The following SRPK2 variants were observed in gnomAD, a reference collection of about 807,000 sequenced individuals.
SRPK2 encodes the protein SRSF protein kinase 2.
In SRPK2, 21 loss-of-function variants were observed where a neutral mutation model predicts 90.8. That is an observed-to-expected ratio of 0.23 (90% CI 0.16 to 0.33). The LOEUF (loss-of-function observed/expected upper bound fraction) is 0.33. Ranked by LOEUF, SRPK2 falls within the 10% of genes least tolerant of loss-of-function variation. The probability of loss-of-function intolerance (pLI) is 1.00; values close to 1 mark genes in which losing one functional copy is unlikely to be tolerated. For synonymous variants in SRPK2, 288 were observed against 311.1 expected, an observed-to-expected ratio of 0.93 and a Z score of 0.78; for missense variants, 620 against 869.0, an observed-to-expected ratio of 0.71 and a Z score of 3.60.
chr7:105,379,452 G>A (rs1454740822), intron 2 of SRPK2, among the ~76,000 whole-genome samples: 1 of 152,018 alleles, frequency 6.6e-6, no homozygotes, highest in Non-Finnish European at 1.5e-5. Flanking sequence ...CAAGCGTACT[G>A]AGGGATGACT....
chr7:105,359,649 T>C (rs1487811804), intron 2 of SRPK2, among the ~76,000 whole-genome samples: 1 of 152,214 alleles, frequency 6.6e-6, no homozygotes, highest in African/African-American at 2.4e-5. Flanking sequence ...GAAGCACTCA[T>C]TTCCATCAAG....
intron 3 of SRPK2, among the ~76,000 whole-genome samples, chr7:105,170,208 A>G (rs765797816): frequency 6.6e-6 from 1 of 152,166 alleles, no homozygotes; most frequent in Non-Finnish European, 1.5e-5. Context: ...TTAAATTCAA[A>G]TCTTTTTGGA....
chr7:105,329,031 A>G (rs1353510251), intron 2 of SRPK2, among the ~76,000 whole-genome samples: 1 of 152,048 alleles, frequency 6.6e-6, no homozygotes, highest in Non-Finnish European at 1.5e-5. Flanking sequence ...AATAAAATAA[A>G]TATTTTTAAA....
chr7:105,256,677 A>C (rs1803356222), intron 2 of SRPK2, among the ~76,000 whole-genome samples: 1 of 152,190 alleles, frequency 6.6e-6, no homozygotes, highest in African/African-American at 2.4e-5. Context: ...TTTAAAATGA[A>C]GAGATTTGAC....
chr7:105,343,338 G>A (rs1217624753), intron 2 of SRPK2, among the ~76,000 whole-genome samples: 1 of 152,154 alleles, frequency 6.6e-6, no homozygotes, highest in Non-Finnish European at 1.5e-5. Context: ...GGAAGCTGAG[G>A]TGGGGGGATC....
At chr7:105,136,156 G>A (rs1057261280) in intron 11 of SRPK2, among the ~76,000 whole-genome samples, 2 of 152,140 alleles carry the variant, frequency 1.3e-5, no homozygotes, top group African/African-American at 2.4e-5. Context: ...CTCCTGGTTC[G>A]GGTTTGTAAA....
intron 2 of SRPK2, among the ~76,000 whole-genome samples, chr7:105,229,245 C>G (rs905456955): frequency 6.6e-6 from 1 of 152,132 alleles, no homozygotes; most frequent in African/African-American, 2.4e-5. Flanking sequence ...GGGCAGATCA[C>G]GAGGTCAGGA....
intron 2 of SRPK2, among the ~76,000 whole-genome samples, chr7:105,204,255 T>C (rs192884463): frequency 1.4e-4 from 21 of 152,298 alleles, no homozygotes; most frequent in Middle Eastern, 3.4e-3. Flanking sequence ...CCCATAGAAA[T>C]AGGTGGCAAT....
intron 2 of SRPK2, among the ~76,000 whole-genome samples, chr7:105,243,673 T>C (rs942669046): frequency 7.3e-6 from 1 of 137,836 alleles, no homozygotes; most frequent in Non-Finnish European, 1.6e-5. Context: ...CAATCTCAAA[T>C]AACGAACGGT....
At chr7:105,270,510 C>T (rs981383665) in intron 2 of SRPK2, among the ~76,000 whole-genome samples, 1 of 151,290 alleles carries the variant, frequency 6.6e-6, no homozygotes, top group African/African-American at 2.4e-5. Flanking sequence ...CGGGTTCAAG[C>T]GATTCTCCTG....
intron 2 of SRPK2, among the ~76,000 whole-genome samples, chr7:105,257,878 G>A (rs1335232953): frequency 1.3e-5 from 2 of 152,162 alleles, no homozygotes; most frequent in Non-Finnish European, 2.9e-5. Context: ...TTGGGAGTCC[G>A]AGGCAGGCAG....
chr7:105,200,944 G>A (rs1326628488), intron 3 of SRPK2, among the ~76,000 whole-genome samples: 2 of 152,206 alleles, frequency 1.3e-5, no homozygotes, highest in African/African-American at 2.4e-5. Flanking sequence ...TAGTAGTGAA[G>A]TATCAGTGTT....
intron 2 of SRPK2, among the ~76,000 whole-genome samples, chr7:105,282,156 G>A (rs12532134): frequency 0.44 from 66,658 of 152,016 alleles, 15,877 homozygotes; most frequent in South Asian, 0.53. Flanking sequence ...GGAAAGTCCA[G>A]AAATAAACCC....
In SRPK2 at chr7:105,382,931, T is replaced by C. The variant is rs1013821019; in HGVS notation, c.71+5717A>G. On this transcript the variant is annotated intron_variant, in intron 2 of 15. Transcript: ENST00000393651. The stretch of plus-strand genomic sequence containing the variant: ...TAACATTGTCTCAATGTCAATTTAT[T>C]GGTTTCAACAATGTTCTATGGTTAA... 6.6e-5 allele frequency among the ~76,000 whole-genome samples: 10 copies of C among 152,160 alleles called. No homozygotes were observed. In the East Asian group the frequency reaches 1.7e-3, roughly 26 times the overall value.
chr7:105,244,527 T>C (rs969858178), intron 2 of SRPK2: 2 of 516,670 alleles, frequency 3.9e-6, no homozygotes, highest in Non-Finnish European at 7.0e-6. Context: ...TGAGCTAAGA[T>C]CGTGCCACTG....
At chr7:105,253,476 A>G (rs890910876) in intron 2 of SRPK2, among the ~76,000 whole-genome samples, 3 of 152,128 alleles carry the variant, frequency 2.0e-5, no homozygotes, top group African/African-American at 7.2e-5. Context: ...TTTCTTTGCC[A>G]CCTGGTCACT....
rs980761631 is a variant in SRPK2 at position 105,143,468 on chromosome 7, T to C, written c.814-138A>G. ...TATTAAAATCCCAAACCCAGACAGA[T>C]CCACTTTGTGGTAAGGCTTACGATA... On this transcript the variant is annotated intron_variant, in intron 9 of 15. Coordinates refer to ENST00000393651, the MANE Select transcript of SRPK2 (RefSeq NM_182692.3). The C allele has an allele frequency of 3.6e-6, 4 of 1,110,202 alleles. No homozygotes were observed. In the East Asian group the frequency reaches 9.6e-5, roughly 27 times the overall value. 68.8% of individuals were successfully genotyped at this position (1,110,202 alleles called of 1,614,324 possible).
At chr7:105,355,678 C>A (rs1405472017) in intron 2 of SRPK2, among the ~76,000 whole-genome samples, 1 of 152,086 alleles carries the variant, frequency 6.6e-6, no homozygotes, top group South Asian at 2.1e-4. Flanking sequence ...AAATCCAAAT[C>A]AACCCTGCTT....
chr7:105,209,524 T>TGA (rs1212795073), intron 2 of SRPK2, among the ~76,000 whole-genome samples: 1 of 145,232 alleles, frequency 6.9e-6, no homozygotes, highest in African/African-American at 2.6e-5. Context: ...CATGACAGAG[T>TGA]GAGACCCTGT....
Sources: allele counts gnomAD v4.1 joint callset (sites outside exome capture counted in the v4.1 genomes callset), GRCh38; gene constraint gnomAD v4.1.1; transcripts MANE v1.5; gene names NCBI Gene and HGNC (gene_info 2026-07-23, HGNC 2026-07-21).